The following GLIS2 variants were observed in gnomAD, a reference collection of about 807,000 sequenced individuals.
GLIS2 encodes GLIS family zinc finger 2, also known as zinc finger protein GLIS2.
A neutral mutation model predicts 35.6 loss-of-function variants in GLIS2; 14 were observed. The observed-to-expected ratio is 0.39, with a 90% CI of 0.26 to 0.61. The LOEUF (loss-of-function observed/expected upper bound fraction) is 0.61. Ranked by LOEUF, GLIS2 falls within the 20% of genes least tolerant of loss-of-function variation. The pLI, the probability that GLIS2 is intolerant of heterozygous loss-of-function variation, is 0.48. For missense variants in GLIS2, 675 were observed against 713.4 expected (o/e 0.95, Z 0.61); for synonymous variants, 368 against 325.1 (o/e 1.13, Z -1.42).
intron 1 of GLIS2, among the ~76,000 whole-genome samples, chr16:4,327,463 C>G (rs2053444721): frequency 6.6e-6 from 1 of 152,204 alleles, no homozygotes; most frequent in Non-Finnish European, 1.5e-5. Context: ...CCTGAGTGTG[C>G]TGGGTCGCCC....
Position 4,332,423 on chromosome 16 carries a change from C to T in GLIS2, c.143C>T (p.Thr48Ile), listed in dbSNP as rs377766200. ...RELGLVDDSP[T>I]PGSPGSPPSG... ...CTGGGCCTGGTGGATGACAGCCCCA[C>T]ACCTGGCTCTCCAGGCTCCCCGCCC... The change falls in exon 2 of 7, where the codon ACA becomes ATA. Residue 48 changes from threonine to isoleucine, a missense_variant. By Grantham distance (89) the Thr-to-Ile change is moderately conservative (BLOSUM62 -1). Transcript: ENST00000433375. The surrounding 1 kb of genome is among the most constrained non-coding windows in gnomAD (Gnocchi z 5.4). 2 of 1,612,524 alleles carry T rather than the reference C, an allele frequency of 1.2e-6. No homozygotes were observed. The highest frequency in any genetic ancestry group is 1.7e-6 in the Non-Finnish European group (2 of 1,179,996).
At position 4,337,129 on chromosome 16, in the gene GLIS2, G is replaced by C; in HGVS notation, c.1180G>C (p.Gly394Arg). 1 of 1,536,548 alleles carries C rather than the reference G, an allele frequency of 6.5e-7. No individual in the cohort carries two copies. Among genetic ancestry groups the C allele is most frequent in the Non-Finnish European group, 8.7e-7 (1 of 1,146,586 alleles). The change falls in exon 7 of 7, where the codon GGT becomes CGT. Residue 394 changes from glycine to arginine, a missense_variant. Gly to Arg is a moderately radical substitution (Grantham distance 125). Transcript: ENST00000433375. ...LACGNGGGSG[G>R]GGGMGPGLPG... is the part of the protein sequence containing the mutation. ...CTGTGGCAACGGTGGGGGCAGTGGG[G>C]GTGGGGGGGGCATGGGCCCTGGGCT... is the stretch of plus-strand genomic sequence containing the variant.
chr16:4,332,478 GA>G lies in GLIS2; in HGVS notation c.172+27del. On this transcript the variant is annotated intron_variant, in intron 2 of 6. Transcript: ENST00000433375. The surrounding 1 kb of genome is among the most constrained non-coding windows in gnomAD (Gnocchi z 5.4). ...GTACTGGCCCTGGGCAGGGCAGGGG[GA>G]CTTAGCCCTGATCCAGTCATGGTGA... is the stretch of plus-strand genomic sequence containing the variant. The G allele has an allele frequency of 1.9e-6, 3 of 1,606,600 alleles. No homozygotes were observed. In the South Asian group the frequency reaches 3.3e-5, roughly 18 times the overall value.
At chr16:4,334,678 G>T in intron 3 of GLIS2, 123 bp from the exon 4 acceptor site, 2 of 1,145,432 alleles carry the variant, frequency 1.7e-6, no homozygotes, top group Non-Finnish European at 2.6e-6. Flanking sequence ...CACATGCACA[G>T]GTAGGGGCTG....
In GLIS2 at chr16:4,338,703, C is replaced by G. The variant is rs1267163902; in HGVS notation, c.*1179C>G. Reference sequence around the variant, plus strand: ...CTGGGCCGCTTTCTCAGAGGCACTTCCCCACCCCTAACACCCAGTGGGCCC... The same window carrying G: ...CTGGGCCGCTTTCTCAGAGGCACTTGCCCACCCCTAACACCCAGTGGGCCC... On this transcript the variant is annotated 3_prime_UTR_variant, in exon 7 of 7. Transcript: ENST00000433375. 6.5e-6 allele frequency: 1 copy of G among 153,464 alleles called. No individual in the cohort carries two copies. The highest frequency in any genetic ancestry group is 2.4e-5 in the African/African-American group (1 of 41,470). The allele number at this position is 153,464 out of a possible 1,614,324, so 9.5% of individuals were successfully genotyped here. A position where few individuals can be genotyped will look rare whatever the true frequency, so the allele number is the denominator to read the frequency against.
intron 3 of GLIS2, among the ~76,000 whole-genome samples, chr16:4,333,964 C>CA (rs1410824257): frequency 6.6e-6 from 1 of 151,718 alleles, no homozygotes; most frequent in Non-Finnish European, 1.5e-5. Context: ...TTTTTTGAGA[C>CA]AGAGTCTTGC....
intron 1 of GLIS2, among the ~76,000 whole-genome samples, chr16:4,317,364 G>T (rs548348299): frequency 2.3e-4 from 35 of 152,166 alleles, no homozygotes; most frequent in Non-Finnish European, 4.3e-4. Flanking sequence ...CTGGCACCCT[G>T]GGTAGTAGGC....
rs1252057049 is a variant in GLIS2, at chr16:4,322,461, G to A, written c.-67+6207G>A. ...TGGCAGGTTTCCCCACATGGAAAAT[G>A]GGGAAAATGGCATCCATTCGCGGGG... is the stretch of plus-strand genomic sequence containing the variant. On this transcript the variant is annotated intron_variant, in intron 1 of 6. Coordinates refer to ENST00000433375, the MANE Select transcript of GLIS2 (RefSeq NM_032575.3). Among the ~76,000 whole-genome samples the A allele has an allele frequency of 2.6e-5, 4 of 152,272 alleles. No homozygotes were observed. The East Asian group carries it at 5.8e-4, about 22-fold the overall frequency.
chr16:4,333,741 T>C (rs951638107), intron 3 of GLIS2, among the ~76,000 whole-genome samples: 1 of 152,170 alleles, frequency 6.6e-6, no homozygotes, highest in African/African-American at 2.4e-5. Context: ...TGGTAGCTGC[T>C]TCACTCCAGG....
chr16:4,337,815 T>A lies in GLIS2; in HGVS notation c.*291T>A, dbSNP rs1329300157. 1.8e-5 allele frequency: 10 copies of A among 550,156 alleles called. No individual in the cohort carries two copies. In the East Asian group the frequency reaches 1.9e-4, roughly 10 times the overall value. The allele number at this position is 550,156 out of a possible 1,614,324, so 34.1% of individuals were successfully genotyped here. ...CTGAGAGGCTTTCCCCTGCCCGACCTCCTCCCGTTTCCCTCTCCCACCCTG... is the reference window on the plus strand; with the variant it reads ...CTGAGAGGCTTTCCCCTGCCCGACCACCTCCCGTTTCCCTCTCCCACCCTG... On this transcript the variant is annotated 3_prime_UTR_variant, in exon 7 of 7. Transcript: ENST00000433375.
At chr16:4,319,093 G>A (rs1436231635) in intron 1 of GLIS2, among the ~76,000 whole-genome samples, 1 of 152,174 alleles carries the variant, frequency 6.6e-6, no homozygotes, top group African/African-American at 2.4e-5. Flanking sequence ...GGGGTCTCTG[G>A]CACCTAAGGA....
chr16:4,333,278 G>C, intron 2 of GLIS2, 69 bp from the exon 3 acceptor site: 1 of 1,576,846 alleles, frequency 6.3e-7, no homozygotes, highest in East Asian at 2.3e-5. Context: ...GTGGGGGTTC[G>C]GAGGCAGGAG....
At position 4,333,440 on chromosome 16, in the gene GLIS2, T is replaced by C; in HGVS notation, c.266T>C (p.Leu89Pro). Residue 89 changes from leucine to proline, a missense_variant, in exon 3 of 7, where the codon CTG (leucine) becomes CCG (proline). Leu to Pro is a moderately conservative substitution (Grantham distance 98). Transcript: ENST00000433375. Reference protein sequence around the residue: ...VDLSLSPPSGLDSPNGSSSLS... With the variant: ...VDLSLSPPSGPDSPNGSSSLS... ...CTCAGCCTGTCACCACCATCTGGGC[T>C]GGACTCCCCCAATGGCAGCAGCTCG... The C allele has an allele frequency of 6.2e-7, 1 of 1,613,022 alleles. No homozygotes were observed. Among genetic ancestry groups the C allele is most frequent in the South Asian group, 1.1e-5 (1 of 91,076 alleles).
intron 1 of GLIS2, chr16:4,331,493 G>A (rs996521717): frequency 6.6e-6 from 1 of 152,596 alleles, no homozygotes; most frequent in Non-Finnish European, 1.5e-5. Flanking sequence ...TGAAGGCTGT[G>A]AGACCCCTGA....
intron 1 of GLIS2, chr16:4,331,438 T>C (rs2053494915): frequency 6.6e-6 from 1 of 152,320 alleles, no homozygotes; most frequent in South Asian, 2.1e-4. Context: ...ACTGGCTTGC[T>C]GTCAATAAAT....
At chr16:4,323,291 T>G (rs1013314767) in intron 1 of GLIS2, among the ~76,000 whole-genome samples, 7 of 152,054 alleles carry the variant, frequency 4.6e-5, no homozygotes, top group African/African-American at 1.7e-4. Flanking sequence ...TCTGGTCCCC[T>G]CCCCTCCCAG....
chr16:4,314,780 G>A (rs1379815315), upstream of GLIS2: 1 of 152,312 alleles, frequency 6.6e-6, no homozygotes, highest in Non-Finnish European at 1.5e-5. Context: ...ACCTCTAGGG[G>A]ATGCTGATTC....
chr16:4,332,596 C>A lies in GLIS2; in HGVS notation c.172+144C>A. ...GAAGCCCGCACGCTTGTCCTTCCATCCGCCCAGCATCGTATGTCTGCAGGG... is the reference window on the plus strand; with the variant it reads ...GAAGCCCGCACGCTTGTCCTTCCATACGCCCAGCATCGTATGTCTGCAGGG... On this transcript the variant is annotated intron_variant, in intron 2 of 6. Transcript: ENST00000433375. The surrounding 1 kb of genome is among the most constrained non-coding windows in gnomAD (Gnocchi z 5.4). The A allele has an allele frequency of 1.0e-6, 1 of 966,276 alleles. No homozygotes were observed. The highest frequency in any genetic ancestry group is 1.5e-5 in the South Asian group (1 of 65,568). 59.9% of individuals were successfully genotyped at this position (966,276 alleles called of 1,614,324 possible).
intron 3 of GLIS2, 149 bp downstream of exon 3, chr16:4,333,668 G>T: frequency 2.2e-6 from 2 of 920,922 alleles, no homozygotes; most frequent in Non-Finnish European, 3.2e-6. Flanking sequence ...GGCTCTAGGG[G>T]AGAACCTTCC....
Sources: gnomAD v4.1 joint callset for allele counts (sites outside exome capture counted in the v4.1 genomes callset) on GRCh38, gnomAD v4.1.1 for gene constraint, Gnocchi (gnomAD v3.1) non-coding constraint, MANE v1.5 for transcripts, NCBI Gene and HGNC (gene_info 2026-07-23, HGNC 2026-07-21) for gene names.